The following CCDC3 variants were observed in gnomAD, a reference collection of about 807,000 sequenced individuals.
CCDC3 encodes the protein coiled-coil domain containing 3, also known as coiled-coil domain-containing protein 3.
CCDC3 carries 24 observed loss-of-function variants against 21.4 expected under a neutral mutation model. That is an observed-to-expected ratio of 1.12 (90% CI 0.81 to 1.58). The LOEUF is 1.58. Ranked by LOEUF, CCDC3 falls within the 40% of genes most tolerant of loss-of-function variation. The pLI is 0.00. For missense variants in CCDC3, 425 were observed against 360.9 expected, an observed-to-expected ratio of 1.18 and a Z score of -1.44; for synonymous variants, 186 against 166.0, an observed-to-expected ratio of 1.12 and a Z score of -0.93.
At chr10:12,933,685 C>T (rs1488518342) in intron 2 of CCDC3, among the ~76,000 whole-genome samples, 1 of 152,014 alleles carries the variant, frequency 6.6e-6, no homozygotes, top group Admixed American at 6.6e-5. Flanking sequence ...CTCACAGTCC[C>T]AGCCTCAAGT....
chr10:13,071,985 T>C (rs938169580), intron 4 of CCDC3, among the ~76,000 whole-genome samples: 6 of 152,156 alleles, frequency 3.9e-5, no homozygotes, highest in Admixed American at 1.3e-4. Context: ...GTTGGTTTAG[T>C]ACTGGGCTCA....
chr10:12,969,942 A>C (rs1191177559), intron 2 of CCDC3, among the ~76,000 whole-genome samples: 1 of 152,124 alleles, frequency 6.6e-6, no homozygotes, highest in Non-Finnish European at 1.5e-5. Context: ...CAGAAAAATA[A>C]AATACTTCAA....
upstream of CCDC3, among the ~76,000 whole-genome samples, chr10:13,003,834 C>T (rs940538092): frequency 1.3e-5 from 2 of 152,180 alleles, no homozygotes; most frequent in Non-Finnish European, 2.9e-5. Flanking sequence ...AGAATCAAAA[C>T]TCTTCCAATA....
At chr10:12,898,857 G>A (rs1834051502) in intron 2 of CCDC3, among the ~76,000 whole-genome samples, 178 bp from the exon 3 acceptor site, 2 of 152,208 alleles carry the variant, frequency 1.3e-5, no homozygotes, top group Admixed American at 6.5e-5. Flanking sequence ...CCTCCACCCT[G>A]TGAATCCTGC....
At chr10:13,044,212 T>C (rs1330688867) in intron 5 of CCDC3, among the ~76,000 whole-genome samples, 1 of 152,238 alleles carries the variant, frequency 6.6e-6, no homozygotes, top group Non-Finnish European at 1.5e-5. Flanking sequence ...TTATTGTTTC[T>C]TGCTTGTTGA....
intron 2 of CCDC3, among the ~76,000 whole-genome samples, chr10:13,098,877 C>T (rs35247644): frequency 0.026 from 3,988 of 151,668 alleles, 86 homozygotes; most frequent in East Asian, 0.087. Context: ...CCATCATGCC[C>T]GGCTAATTTT....
At chr10:13,053,336 AG>A (rs1027444790) in intron 4 of CCDC3, among the ~76,000 whole-genome samples, 21 of 152,200 alleles carry the variant, frequency 1.4e-4, no homozygotes, top group South Asian at 4.1e-4. Flanking sequence ...TGGAAGGCTG[AG>A]GTGGGAAGAT....
chr10:13,002,200 A>G (rs1835867719), upstream of CCDC3, among the ~76,000 whole-genome samples: 1 of 152,204 alleles, frequency 6.6e-6, no homozygotes, highest in Non-Finnish European at 1.5e-5. Context: ...AAAAGATTCC[A>G]AAAAGCAATC....
At chr10:12,932,653 T>C (rs1272381993) in intron 2 of CCDC3, among the ~76,000 whole-genome samples, 1 of 152,242 alleles carries the variant, frequency 6.6e-6, no homozygotes, top group Non-Finnish European at 1.5e-5. Context: ...CCTTTGATTT[T>C]TTTTTCTTGT....
chr10:12,957,352 C>T (rs1301803548), intron 2 of CCDC3, among the ~76,000 whole-genome samples: 3 of 152,208 alleles, frequency 2.0e-5, no homozygotes, highest in Admixed American at 6.5e-5. Context: ...TAATACTGAA[C>T]GAAATCTATC....
chr10:13,066,282 G>C (rs1336211399), intron 4 of CCDC3, among the ~76,000 whole-genome samples: 2 of 152,052 alleles, frequency 1.3e-5, no homozygotes, highest in African/African-American at 4.8e-5. Flanking sequence ...CTCAGCCTCT[G>C]AGTAGCTGGG....
chr10:12,983,575 A>G (rs76338811), intron 2 of CCDC3, among the ~76,000 whole-genome samples: 2 of 130,674 alleles, frequency 1.5e-5, no homozygotes, highest in Admixed American at 7.5e-5. Flanking sequence ...CTCTCTCAAG[A>G]AAAAAAAAAA....
At chr10:12,899,051 AG>A in intron 2 of CCDC3, among the ~76,000 whole-genome samples, 1 of 152,188 alleles carries the variant, frequency 6.6e-6, no homozygotes, top group Non-Finnish European at 1.5e-5. Flanking sequence ...GGGGGGAGTC[AG>A]GTGGCCTAAT....
chr10:13,002,506 C>G (rs1342655238), upstream of CCDC3, among the ~76,000 whole-genome samples: 2 of 152,132 alleles, frequency 1.3e-5, no homozygotes, highest in Non-Finnish European at 1.5e-5. Context: ...CCTCCCAGGT[C>G]AGTCTCCCAA....
chr10:13,078,033 T>C (rs1836987398), intron 3 of CCDC3, among the ~76,000 whole-genome samples: 1 of 152,166 alleles, frequency 6.6e-6, no homozygotes, highest in East Asian at 1.9e-4. Flanking sequence ...CTAAAGAGCT[T>C]CTGCACAGCA....
intron 2 of CCDC3, among the ~76,000 whole-genome samples, chr10:12,921,547 C>A (rs1026739035): frequency 6.6e-6 from 1 of 152,222 alleles, no homozygotes; most frequent in Non-Finnish European, 1.5e-5. Flanking sequence ...CAAATGATCT[C>A]TTAAAAATTG....
At chr10:13,071,043 C>G (rs990751290) in intron 4 of CCDC3, among the ~76,000 whole-genome samples, 15 of 152,166 alleles carry the variant, frequency 9.9e-5, no homozygotes, top group East Asian at 5.8e-4. Flanking sequence ...TCCTTCTGAG[C>G]AGTTATCCTG....
At chr10:13,001,170 A>G (rs1835844239) in intron 1 of CCDC3, 27 bp downstream of exon 1, 5 of 1,539,002 alleles carry the variant, frequency 3.2e-6, no homozygotes, top group Admixed American at 2.0e-5. Flanking sequence ...AGAGAGAGAG[A>G]GGTGGCGGCG....
intron 2 of CCDC3, among the ~76,000 whole-genome samples, chr10:12,917,581 G>C (rs965293008): frequency 1.3e-5 from 2 of 152,176 alleles, no homozygotes; most frequent in South Asian, 2.1e-4. Flanking sequence ...TTTTCATGTA[G>C]GGAGAGTTGT....
Sources: gnomAD v4.1 joint callset for allele counts (sites outside exome capture counted in the v4.1 genomes callset) on GRCh38, gnomAD v4.1.1 for gene constraint, MANE v1.5 for transcripts, NCBI Gene and HGNC (gene_info 2026-07-23, HGNC 2026-07-21) for gene names.